The following RASAL2 variants were observed in gnomAD, a reference collection of about 807,000 sequenced individuals.
RASAL2 encodes the protein ras GTPase-activating protein nGAP.
Under a neutral mutation model 128.9 loss-of-function variants are expected in RASAL2, and 58 were observed. That is an observed-to-expected ratio of 0.45 (90% CI 0.36 to 0.56). The LOEUF is 0.56. Ranked by LOEUF, RASAL2 falls within the 20% of genes least tolerant of loss-of-function variation. The pLI, the probability that RASAL2 is intolerant of heterozygous loss-of-function variation, is 0.00. For missense variants in RASAL2, 1,360 were observed against 1,601.6 expected (o/e 0.85, Z 2.57); for synonymous variants, 561 against 580.8 (o/e 0.97, Z 0.49).
intron 3 of RASAL2, among the ~76,000 whole-genome samples, chr1:178,313,220 A>G (rs1280368278): frequency 1.3e-5 from 2 of 152,220 alleles, no homozygotes; most frequent in African/African-American, 4.8e-5. Context: ...AGGAGTATGT[A>G]TGCACCTACT....
chr1:178,278,352 C>T (rs1666623738), intron 1 of RASAL2, among the ~76,000 whole-genome samples: 1 of 152,114 alleles, frequency 6.6e-6, no homozygotes, highest in African/African-American at 2.4e-5. Context: ...TGGCTGTGAG[C>T]ATGTCTTAGG....
At chr1:178,119,189 C>T (rs1219344474) in intron 1 of RASAL2, among the ~76,000 whole-genome samples, 2 of 152,152 alleles carry the variant, frequency 1.3e-5, no homozygotes, top group East Asian at 1.9e-4. Context: ...TTTTGTGACC[C>T]ATTGTGTGTC....
chr1:178,350,224 CTCTT>C (rs1670387893), intron 3 of RASAL2, among the ~76,000 whole-genome samples: 2 of 152,118 alleles, frequency 1.3e-5, no homozygotes, highest in African/African-American at 4.8e-5. Flanking sequence ...CCTTCTCTCT[CTCTT>C]TCTCTGTTGA....
chr1:178,126,157 G>A (rs749589058), intron 1 of RASAL2, among the ~76,000 whole-genome samples: 3 of 152,172 alleles, frequency 2.0e-5, no homozygotes, highest in Non-Finnish European at 4.4e-5. Context: ...CAAAGCTGGT[G>A]GTGGAGTTTG....
chr1:178,443,246 G>T lies in RASAL2; in HGVS notation c.1482+17G>T, dbSNP rs374489106. ...AGAGCCAAGGTAAGTGGAAAAGGGG[G>T]ATTGCAGTACCTGAAGTCTCTTCCC... On this transcript the variant is annotated intron_variant, in intron 8 of 17. Transcript: ENST00000367649. 6.4e-7 allele frequency: 1 copy of T among 1,570,708 alleles called. No individual in the cohort carries two copies. Among genetic ancestry groups the T allele is most frequent in the East Asian group, 2.3e-5 (1 of 44,414 alleles).
At chr1:178,217,662 A>AT (rs1198301907) in intron 1 of RASAL2, among the ~76,000 whole-genome samples, 1 of 152,184 alleles carries the variant, frequency 6.6e-6, no homozygotes, top group African/African-American at 2.4e-5. Context: ...TGAATTTAAA[A>AT]TTTTTTTATT....
chr1:178,465,871 T>TA, intron 15 of RASAL2, 49 bp from the exon 16 acceptor site: 8 of 1,353,908 alleles, frequency 5.9e-6, no homozygotes, highest in Non-Finnish European at 8.0e-6. Context: ...CACTGATTTC[T>TA]AAAAGCAATG....
At chr1:178,115,241 C>T (rs1257442541) in intron 1 of RASAL2, among the ~76,000 whole-genome samples, 1 of 152,110 alleles carries the variant, frequency 6.6e-6, no homozygotes, top group East Asian at 1.9e-4. Flanking sequence ...GGAATATGTC[C>T]ATTTTGTCTA....
intron 3 of RASAL2, among the ~76,000 whole-genome samples, chr1:178,383,920 T>C (rs191677950): frequency 6.6e-6 from 1 of 152,342 alleles, no homozygotes; most frequent in East Asian, 1.9e-4. Flanking sequence ...ATGCCAAAAT[T>C]TCAGTGACTT....
At chr1:178,296,756 T>C (rs1328579442) in intron 2 of RASAL2, among the ~76,000 whole-genome samples, 1 of 148,086 alleles carries the variant, frequency 6.8e-6, no homozygotes, top group Admixed American at 6.9e-5. Flanking sequence ...CACTGCATCC[T>C]CCACCTCTCG....
intron 1 of RASAL2, among the ~76,000 whole-genome samples, chr1:178,222,284 A>G (rs1319738673): frequency 1.3e-5 from 2 of 152,040 alleles, no homozygotes; most frequent in African/African-American, 4.8e-5. Context: ...ATTACTTCCT[A>G]TTTGTATTCA....
chr1:178,124,889 G>T (rs960357447), intron 1 of RASAL2, among the ~76,000 whole-genome samples: 1 of 151,962 alleles, frequency 6.6e-6, no homozygotes, highest in Non-Finnish European at 1.5e-5. Context: ...TTAAAATGCC[G>T]CAGTATTTCA....
Position 178,182,013 on chromosome 1 carries a change from C to T in RASAL2, c.202+87319C>T, listed in dbSNP as rs74128876. Among the ~76,000 whole-genome samples the T allele has an allele frequency of 5.5e-3, 843 of 152,258 alleles. 10 individuals carry two copies. Among genetic ancestry groups the T allele is most frequent in the African/African-American group, 0.019 (790 of 41,556 alleles). On this transcript the variant is annotated intron_variant, in intron 1 of 17. Transcript: ENST00000367649. ...TCTTTGGAAGTCACTGTGCTCAGCACACTTAAGGAATGATGTGTTATATTC... is the reference window on the plus strand; with the variant it reads ...TCTTTGGAAGTCACTGTGCTCAGCATACTTAAGGAATGATGTGTTATATTC...
chr1:178,314,931 C>A (rs1180254864), intron 3 of RASAL2, among the ~76,000 whole-genome samples: 1 of 114,818 alleles, frequency 8.7e-6, no homozygotes, highest in African/African-American at 3.3e-5. Context: ...CAATGCTATC[C>A]CTCCCCCCTC....
intron 1 of RASAL2, among the ~76,000 whole-genome samples, chr1:178,202,592 G>T (rs531216684): frequency 3.5e-4 from 53 of 152,302 alleles, no homozygotes; most frequent in Non-Finnish European, 3.8e-4. Flanking sequence ...CTGAGTCATG[G>T]GCTATAGTCA....
chr1:178,141,515 G>A (rs189811797), intron 1 of RASAL2, among the ~76,000 whole-genome samples: 2 of 152,052 alleles, frequency 1.3e-5, no homozygotes, highest in East Asian at 1.9e-4. Flanking sequence ...ATTGTTAGTC[G>A]GCCTAGGAAA....
chr1:178,155,178 C>T (rs1216827790), intron 1 of RASAL2, among the ~76,000 whole-genome samples: 3 of 152,020 alleles, frequency 2.0e-5, no homozygotes, highest in Admixed American at 1.3e-4. Flanking sequence ...GATATAGTAG[C>T]AGGAAATAGG....
At chr1:178,174,704 C>A (rs1331630639) in intron 1 of RASAL2, among the ~76,000 whole-genome samples, 3 of 152,152 alleles carry the variant, frequency 2.0e-5, no homozygotes, top group Admixed American at 6.6e-5. Flanking sequence ...TTCCTGCTTC[C>A]TGCTTCTGCC....
intron 1 of RASAL2, among the ~76,000 whole-genome samples, chr1:178,101,959 T>G (rs1404274990): frequency 6.6e-6 from 1 of 152,006 alleles, no homozygotes; most frequent in African/African-American, 2.4e-5. Flanking sequence ...AAAACATCCA[T>G]AAAGTAGGAG....
Sources: allele counts gnomAD v4.1 joint callset (sites outside exome capture counted in the v4.1 genomes callset), GRCh38; gene constraint gnomAD v4.1.1; transcripts MANE v1.5; gene names NCBI Gene and HGNC (gene_info 2026-07-23, HGNC 2026-07-21).